The following GALNT8 variants were observed in gnomAD, a reference collection of about 807,000 sequenced individuals.
The protein encoded by GALNT8 is probable polypeptide N-acetylgalactosaminyltransferase 8.
Under a neutral mutation model 62.7 loss-of-function variants are expected in GALNT8, and 66 were observed. The observed-to-expected ratio is 1.05, with a 90% CI of 0.86 to 1.29. The LOEUF (loss-of-function observed/expected upper bound fraction) is 1.29. GALNT8 is among the 50% of genes most tolerant of loss of function. GALNT8 has a pLI of 0.00. For synonymous variants in GALNT8, 288 were observed against 294.3 expected, an observed-to-expected ratio of 0.98 and a Z score of 0.22; for missense variants, 771 against 791.8, an observed-to-expected ratio of 0.97 and a Z score of 0.32.
intron 10 of GALNT8, chr12:4,768,468 G>A: frequency 2.8e-6 from 1 of 353,570 alleles, no homozygotes; most frequent in South Asian, 2.4e-5. Flanking sequence ...AAATAATTAT[G>A]CATTCCAAAC....
intron 1 of GALNT8, 26 bp downstream of exon 1, chr12:4,720,914 G>A: frequency 7.1e-7 from 1 of 1,404,938 alleles, no homozygotes; most frequent in Non-Finnish European, 1.0e-6. Context: ...TAACCTGGAA[G>A]GTGTGTGTGT....
At chr12:4,768,947 T>A (rs944846724) in intron 10 of GALNT8, among the ~76,000 whole-genome samples, 1 of 152,186 alleles carries the variant, frequency 6.6e-6, no homozygotes, top group South Asian at 2.1e-4. Flanking sequence ...TTTCTTTGAT[T>A]TCATGATTCT....
intron 7 of GALNT8, among the ~76,000 whole-genome samples, chr12:4,762,947 G>A (rs951631101): frequency 2.6e-5 from 4 of 152,220 alleles, no homozygotes; most frequent in African/African-American, 7.2e-5. Flanking sequence ...TACAGACATC[G>A]GAAGTGAGGT....
chr12:4,756,236 G>C (rs1217045562), intron 6 of GALNT8, among the ~76,000 whole-genome samples: 1 of 152,164 alleles, frequency 6.6e-6, no homozygotes, highest in African/African-American at 2.4e-5. Flanking sequence ...GTTCTTGGTA[G>C]TTCATCTTTT....
intron 10 of GALNT8, chr12:4,768,430 T>C: frequency 2.6e-6 from 1 of 381,266 alleles, no homozygotes. Context: ...TTTTTTCTTT[T>C]CATGATAACA....
At chr12:4,741,076 C>T (rs1366219079) in intron 3 of GALNT8, among the ~76,000 whole-genome samples, 1 of 152,180 alleles carries the variant, frequency 6.6e-6, no homozygotes, top group Non-Finnish European at 1.5e-5. Flanking sequence ...AATTTCTTGA[C>T]TATAAGGGCT....
At chr12:4,732,355 A>G (rs984188516) in intron 2 of GALNT8, among the ~76,000 whole-genome samples, 3 of 152,216 alleles carry the variant, frequency 2.0e-5, no homozygotes, top group African/African-American at 7.2e-5. Flanking sequence ...AGGAGTGGCT[A>G]GAGATCTGTT....
At chr12:4,766,395 A>C (rs149625944) in intron 10 of GALNT8, among the ~76,000 whole-genome samples, 178 of 152,324 alleles carry the variant, frequency 1.2e-3, no homozygotes, top group Non-Finnish European at 2.2e-3. Flanking sequence ...ATTAAATGAG[A>C]TAGCGTGTGT....
At chr12:4,727,137 G>T (rs549992135) in intron 2 of GALNT8, among the ~76,000 whole-genome samples, 133 of 152,254 alleles carry the variant, frequency 8.7e-4, no homozygotes, top group Non-Finnish European at 1.3e-3. Flanking sequence ...GGAAACTGAA[G>T]CTGAGAAGGG....
At chr12:4,770,732 C>T (rs560036925) in intron 10 of GALNT8, among the ~76,000 whole-genome samples, 3 of 152,232 alleles carry the variant, frequency 2.0e-5, no homozygotes, top group South Asian at 2.1e-4. Flanking sequence ...CACTCAAACA[C>T]GGAATCTTAA....
chr12:4,768,082 C>A (rs1946407660), intron 10 of GALNT8, among the ~76,000 whole-genome samples: 1 of 152,046 alleles, frequency 6.6e-6, no homozygotes, highest in South Asian at 2.1e-4. Context: ...ACTTCAATTA[C>A]CTGACTTTAA....
At chr12:4,767,286 C>T (rs980547943) in intron 10 of GALNT8, among the ~76,000 whole-genome samples, 1 of 152,054 alleles carries the variant, frequency 6.6e-6, no homozygotes, top group Non-Finnish European at 1.5e-5. Flanking sequence ...TTTTTCTTTT[C>T]ATCATTTGGC....
rs138133023 is a variant in GALNT8 at position 4,744,624 on chromosome 12, C to G, written c.784C>G (p.Arg262Gly). Residue 262 changes from arginine to glycine, a missense_variant, in exon 4 of 11, where the codon CGC becomes GGC. Coordinates refer to ENST00000252318, the MANE Select transcript of GALNT8 (RefSeq NM_017417.2). ...HPERKGLAQA[R>G]NTGWEAATAD... ...TGAAAGGAAAGGTCTTGCTCAAGCC[C>G]GCAACACTGGCTGGGAAGCTGCCAC... The G allele has an allele frequency of 2.4e-5, 39 of 1,613,322 alleles. No homozygotes were observed. Among genetic ancestry groups the G allele is most frequent in the Non-Finnish European group, 3.3e-5 (39 of 1,179,536 alleles).
At position 4,744,569 on chromosome 12, in the gene GALNT8, T is replaced by C. The variant is rs1056649517; in HGVS notation, c.729T>C (p.Tyr243=). The C allele has an allele frequency of 6.2e-7, 1 of 1,612,926 alleles. No individual in the cohort carries two copies. The highest frequency in any genetic ancestry group is 2.2e-5 in the East Asian group (1 of 44,858). ...AGATTAAGCTTTACAACCAGAAGTA[T>C]CCAGGACTACTGAAAATAATACGGC... is the stretch of plus-strand genomic sequence containing the variant. ...DEKIKLYNQK[Y]PGLLKIIRHP... is the part of the protein sequence containing the mutation. The change falls in exon 4 of 11, where the codon TAT becomes TAC. Residue 243 remains tyrosine, a synonymous_variant. Transcript: ENST00000252318.
chr12:4,759,800 C>T (rs759236088), intron 6 of GALNT8, among the ~76,000 whole-genome samples: 4 of 152,258 alleles, frequency 2.6e-5, no homozygotes, highest in Non-Finnish European at 5.9e-5. Flanking sequence ...CTTCCAGAAA[C>T]TGCATCTCAC....
chr12:4,758,635 TGTGAGAGAGAGA>T (rs1253930801), intron 6 of GALNT8, among the ~76,000 whole-genome samples: 432 of 47,284 alleles, frequency 9.1e-3, no homozygotes, highest in African/African-American at 0.021. Context: ...TGTGTGTGTG[TGTGAGAGAGAGA>T]GAGAGAGAGA....
At chr12:4,772,314 C>T (rs918678384) in intron 10 of GALNT8, 131 bp from the exon 11 acceptor site, 15 of 763,794 alleles carry the variant, frequency 2.0e-5, no homozygotes, top group Non-Finnish European at 3.3e-5. Flanking sequence ...CCTTTCTTCC[C>T]TGGATGACTT....
rs79477462 is a variant in GALNT8 at position 4,756,503 on chromosome 12, A to G, written c.1174-4455A>G. ...GAATGTCAGGGTGGCATTGTAACAAACACTGACCCTGAGTTGTAATGCTGT... is the reference window on the plus strand; with the variant it reads ...GAATGTCAGGGTGGCATTGTAACAAGCACTGACCCTGAGTTGTAATGCTGT... On this transcript the variant is annotated intron_variant, in intron 6 of 10. Transcript: ENST00000252318. Among the ~76,000 whole-genome samples, 1,328 of 152,298 alleles carry G rather than the reference A, an allele frequency of 8.7e-3. 15 individuals are homozygous for G. The highest frequency in any genetic ancestry group is 0.014 in the Non-Finnish European group (925 of 68,032).
intron 2 of GALNT8, among the ~76,000 whole-genome samples, chr12:4,738,434 C>G (rs1315097105): frequency 6.6e-6 from 1 of 152,190 alleles, no homozygotes; most frequent in African/African-American, 2.4e-5. Flanking sequence ...TCAAAACTAA[C>G]TTTGTTTTTC....
Sources: gnomAD v4.1 joint callset for allele counts (sites outside exome capture counted in the v4.1 genomes callset) on GRCh38, gnomAD v4.1.1 for gene constraint, MANE v1.5 for transcripts, NCBI Gene and HGNC (gene_info 2026-07-23, HGNC 2026-07-21) for gene names.